The following PARD3B variants were observed in gnomAD, a reference collection of about 807,000 sequenced individuals.
The protein encoded by PARD3B is par-3 family cell polarity regulator beta, also known as partitioning defective 3 homolog B.
In PARD3B, 103 loss-of-function variants were observed where a neutral mutation model predicts 130.2. The observed-to-expected ratio is 0.79, with a 90% confidence interval of 0.67 to 0.93. PARD3B has a LOEUF of 0.93. Ranked by LOEUF, PARD3B falls within the 40% of genes least tolerant of loss-of-function variation. The pLI is 0.00. For synonymous variants in PARD3B, 583 were observed against 553.2 expected, an observed-to-expected ratio of 1.05 and a Z score of -0.76; for missense variants, 1,609 against 1,499.2, an observed-to-expected ratio of 1.07 and a Z score of -1.21.
At chr2:205,365,064 G>A (rs916554547) in intron 18 of PARD3B, among the ~76,000 whole-genome samples, 1 of 152,084 alleles carries the variant, frequency 6.6e-6, no homozygotes, top group African/African-American at 2.4e-5. Context: ...GCCAGGCATG[G>A]TGGCAGGCGC....
chr2:204,834,303 A>G (rs2043949167), intron 2 of PARD3B, among the ~76,000 whole-genome samples: 1 of 152,232 alleles, frequency 6.6e-6, no homozygotes, highest in Non-Finnish European at 1.5e-5. Context: ...CCCAGCACAG[A>G]ATACAGACTC....
chr2:205,476,494 GGAT>G (rs1379598939), intron 20 of PARD3B, among the ~76,000 whole-genome samples: 1 of 152,104 alleles, frequency 6.6e-6, no homozygotes, highest in Non-Finnish European at 1.5e-5. Context: ...CAGTGAATGT[GGAT>G]TGGAAAGTTC....
intron 14 of PARD3B, among the ~76,000 whole-genome samples, chr2:205,188,896 A>G (rs2036244426): frequency 6.6e-6 from 1 of 152,206 alleles, no homozygotes; most frequent in South Asian, 2.1e-4. Flanking sequence ...AAGAAAAACA[A>G]ATTTGATCAA....
chr2:205,377,504 G>T (rs1292522895), intron 18 of PARD3B, among the ~76,000 whole-genome samples: 1 of 152,008 alleles, frequency 6.6e-6, no homozygotes, highest in East Asian at 1.9e-4. Flanking sequence ...AGGGAAGAGG[G>T]AAAGAACCAG....
chr2:204,649,450 C>T (rs2035403745), intron 1 of PARD3B, among the ~76,000 whole-genome samples: 1 of 151,838 alleles, frequency 6.6e-6, no homozygotes, highest in African/African-American at 2.4e-5. Context: ...CCACCCATCC[C>T]CACAAAGGAG....
intron 1 of PARD3B, among the ~76,000 whole-genome samples, chr2:204,631,554 G>A (rs74575132): frequency 0.044 from 6,684 of 152,166 alleles, 419 homozygotes; most frequent in East Asian, 0.14. Context: ...GCTGGGTCTT[G>A]GTTCTTAATC....
chr2:204,587,970 A>G lies in PARD3B; in HGVS notation c.120+41851A>G, dbSNP rs186359726. ...CCCAGCCGTGCTGAACTGTGAGTCAATTAAACCTCTTTCATTTATAAATGA... is the reference window on the plus strand; with the variant it reads ...CCCAGCCGTGCTGAACTGTGAGTCAGTTAAACCTCTTTCATTTATAAATGA... On this transcript the variant is annotated intron_variant, in intron 1 of 22. Coordinates refer to ENST00000406610, the MANE Select transcript of PARD3B (RefSeq NM_001302769.2). 3.2e-3 allele frequency among the ~76,000 whole-genome samples: 482 copies of G among 152,284 alleles called. 5 individuals are homozygous for G. The highest frequency in any genetic ancestry group is 0.011 in the African/African-American group (454 of 41,552).
chr2:204,661,132 A>G (rs946452911), intron 1 of PARD3B, among the ~76,000 whole-genome samples: 3 of 152,156 alleles, frequency 2.0e-5, no homozygotes, highest in African/African-American at 4.8e-5. Context: ...TTTTTGAAGC[A>G]CTCAATTCCT....
intron 20 of PARD3B, among the ~76,000 whole-genome samples, chr2:205,484,275 A>G (rs921229299): frequency 6.6e-6 from 1 of 152,216 alleles, no homozygotes; most frequent in East Asian, 1.9e-4. Flanking sequence ...TAGGAACACA[A>G]CAAATCCTCT....
intron 2 of PARD3B, among the ~76,000 whole-genome samples, chr2:204,892,288 G>A (rs1162647234): frequency 6.6e-6 from 1 of 152,174 alleles, no homozygotes; most frequent in East Asian, 1.9e-4. Context: ...GAGAGTTGGA[G>A]GTGAAGCTTG....
At chr2:205,219,900 A>G (rs929742696) in intron 15 of PARD3B, among the ~76,000 whole-genome samples, 4 of 152,232 alleles carry the variant, frequency 2.6e-5, no homozygotes, top group Admixed American at 1.3e-4. Flanking sequence ...TAAGCCCTGC[A>G]CATGATTTGG....
intron 2 of PARD3B, among the ~76,000 whole-genome samples, chr2:204,773,924 T>C (rs2041500911): frequency 6.6e-6 from 1 of 152,124 alleles, no homozygotes; most frequent in South Asian, 2.1e-4. Flanking sequence ...TTCAGAGTGC[T>C]TGTCATGGGT....
chr2:205,432,831 C>G (rs1184277532), intron 19 of PARD3B, among the ~76,000 whole-genome samples: 1 of 152,098 alleles, frequency 6.6e-6, no homozygotes, highest in Non-Finnish European at 1.5e-5. Context: ...CTTCCTGTTT[C>G]ACTTTCCCCT....
At chr2:205,439,110 T>C (rs528660920) in intron 19 of PARD3B, among the ~76,000 whole-genome samples, 52 of 152,336 alleles carry the variant, frequency 3.4e-4, no homozygotes, top group Admixed American at 2.0e-3. Context: ...GATTTGATGT[T>C]TTGCAAAATA....
chr2:204,916,953 G>A (rs982057199), intron 2 of PARD3B, among the ~76,000 whole-genome samples: 3 of 152,094 alleles, frequency 2.0e-5, no homozygotes, highest in Non-Finnish European at 2.9e-5. Context: ...TGAATGAAAT[G>A]GATAAAAATC....
At position 205,449,098 on chromosome 2, in the gene PARD3B, G is replaced by A. The variant is rs181647270; in HGVS notation, c.3044+8426G>A. On this transcript the variant is annotated intron_variant, in intron 20 of 22. Transcript: ENST00000406610. ...GGAGAATCACTTGAACCCGGGAGGC[G>A]CAGGTTGCAGTCAGCCAAGATTGTG... Among the ~76,000 whole-genome samples, 432 of 147,108 alleles carry A rather than the reference G, an allele frequency of 2.9e-3. 2 individuals are homozygous for A. Among genetic ancestry groups the A allele is most frequent in the African/African-American group, 9.8e-3 (389 of 39,848 alleles).
intron 2 of PARD3B, among the ~76,000 whole-genome samples, chr2:204,858,196 A>G (rs557821298): frequency 2.6e-4 from 40 of 152,288 alleles, no homozygotes; most frequent in Non-Finnish European, 4.6e-4. Flanking sequence ...ATACTATCAT[A>G]TTAACCTTAG....
At chr2:204,591,403 G>A (rs185927002) in intron 1 of PARD3B, among the ~76,000 whole-genome samples, 1 of 152,190 alleles carries the variant, frequency 6.6e-6, no homozygotes. Context: ...CAGATAATAC[G>A]AAAGAATACC....
At chr2:204,882,782 C>T (rs910238756) in intron 2 of PARD3B, among the ~76,000 whole-genome samples, 6 of 152,108 alleles carry the variant, frequency 3.9e-5, no homozygotes, top group African/African-American at 7.2e-5. Context: ...GATGGCTTTT[C>T]GGAGAGGTCA....
Sources: allele counts gnomAD v4.1 joint callset (sites outside exome capture counted in the v4.1 genomes callset), GRCh38; gene constraint gnomAD v4.1.1; transcripts MANE v1.5; gene names NCBI Gene and HGNC (gene_info 2026-07-23, HGNC 2026-07-21).